COLQ: variants seen among roughly 807,000 people sequenced by gnomAD.
COLQ encodes the protein acetylcholinesterase collagenic tail peptide.
A neutral mutation model predicts 69.0 loss-of-function variants in COLQ; 48 were observed. That is an observed-to-expected ratio of 0.70 (90% CI 0.55 to 0.88). COLQ has a LOEUF of 0.88. COLQ is among the 40% of genes least tolerant of loss of function. The pLI, the probability that COLQ is intolerant of heterozygous loss-of-function variation, is 0.00. For missense variants in COLQ, 618 were observed against 594.6 expected (o/e 1.04, Z -0.41); for synonymous variants, 217 against 211.2 (o/e 1.03, Z -0.24).
chr3:15,463,544 C>G (rs541960454), intron 12 of COLQ, among the ~76,000 whole-genome samples: 20 of 152,082 alleles, frequency 1.3e-4, no homozygotes, highest in African/African-American at 4.8e-4. Context: ...GATGGGGTTT[C>G]ACTGTGTTAG....
At chr3:15,456,400 T>G in intron 14 of COLQ, 60 bp downstream of exon 14, 3 of 1,606,328 alleles carry the variant, frequency 1.9e-6, no homozygotes, top group Non-Finnish European at 2.6e-6. Flanking sequence ...TCCCTTCCTT[T>G]AATGGATGCA....
chr3:15,488,541 A>G (rs555545512), intron 2 of COLQ, among the ~76,000 whole-genome samples: 14 of 152,262 alleles, frequency 9.2e-5, no homozygotes, highest in Non-Finnish European at 4.4e-5. Flanking sequence ...CACTTTGGAT[A>G]GAGTTTGGAA....
At position 15,458,267 on chromosome 3, in the gene COLQ, A is replaced by C; in HGVS notation, c.873T>G (p.Cys291Trp). Reference sequence around the variant, plus strand: ...TCACATTCATAGTGGGTCCACAAAGACATCTTCCTGGAGGCCCGGGAAATC... The same window carrying C: ...TCACATTCATAGTGGGTCCACAAAGCCATCTTCCTGGAGGCCCGGGAAATC... ...ERGFPGPPGR[C>W]LCGPTMNVNN... is the part of the protein sequence containing the mutation. The change falls in exon 13 of 17, where the codon TGT (cysteine) becomes TGG (tryptophan). Residue 291 changes from cysteine to tryptophan, a missense_variant. Cys to Trp is a radical substitution (Grantham distance 215). Transcript: ENST00000383788. The C allele has an allele frequency of 6.2e-7, 1 of 1,614,084 alleles. No homozygotes were observed. The highest frequency in any genetic ancestry group is 8.5e-7 in the Non-Finnish European group (1 of 1,180,002).
intron 12 of COLQ, among the ~76,000 whole-genome samples, chr3:15,460,207 T>C (rs1477069884): frequency 1.3e-5 from 2 of 152,204 alleles, no homozygotes; most frequent in African/African-American, 4.8e-5. Flanking sequence ...CTAGTGCCTG[T>C]TTTCATCCAC....
chr3:15,462,071 C>T (rs919991278), intron 12 of COLQ, among the ~76,000 whole-genome samples: 4 of 152,158 alleles, frequency 2.6e-5, no homozygotes, highest in African/African-American at 7.2e-5. Flanking sequence ...CTCTGTCGCC[C>T]AGGCGGGAGT....
At chr3:15,483,603 T>C (rs562007205) in intron 3 of COLQ, among the ~76,000 whole-genome samples, 5 of 152,378 alleles carry the variant, frequency 3.3e-5, no homozygotes, top group East Asian at 3.9e-4. Context: ...TCTGTTCTTT[T>C]ACATTTGCTG....
chr3:15,479,550 T>C (rs2062440528), intron 3 of COLQ, among the ~76,000 whole-genome samples, 168 bp from the exon 4 acceptor site: 1 of 152,134 alleles, frequency 6.6e-6, no homozygotes, highest in South Asian at 2.1e-4. Context: ...CCCAGTCCCC[T>C]CCTCTGTTCC....
chr3:15,494,037 T>C (rs1346398755), intron 1 of COLQ, among the ~76,000 whole-genome samples: 4 of 152,226 alleles, frequency 2.6e-5, no homozygotes, highest in Non-Finnish European at 5.9e-5. Flanking sequence ...GAGCCGAGAT[T>C]GTGCCATTGC....
chr3:15,521,403 A>G, intron 1 of COLQ, 117 bp downstream of exon 1: 2 of 1,390,840 alleles, frequency 1.4e-6, no homozygotes, highest in Non-Finnish European at 2.0e-6. Flanking sequence ...CTTCCTTCCA[A>G]CCTCCCTCCA....
intron 10 of COLQ, among the ~76,000 whole-genome samples, chr3:15,470,824 G>A (rs2062271526): frequency 6.6e-6 from 1 of 152,178 alleles, no homozygotes; most frequent in African/African-American, 2.4e-5. Context: ...AAGGAAGAAG[G>A]TAATTCTGAG....
At chr3:15,520,253 C>T (rs2063118241) in intron 1 of COLQ, among the ~76,000 whole-genome samples, 1 of 152,248 alleles carries the variant, frequency 6.6e-6, no homozygotes, top group South Asian at 2.1e-4. Context: ...GGCACACACC[C>T]ACGGTGACAC....
intron 1 of COLQ, chr3:15,506,491 T>C (rs2062913109): frequency 6.6e-6 from 1 of 152,232 alleles, no homozygotes; most frequent in Non-Finnish European, 1.5e-5. Flanking sequence ...TGTATACTTC[T>C]GGGAATATTT....
intron 1 of COLQ, among the ~76,000 whole-genome samples, chr3:15,491,697 A>G (rs552163568): frequency 2.0e-5 from 3 of 152,368 alleles, no homozygotes; most frequent in African/African-American, 7.2e-5. Flanking sequence ...CAAATAGTAC[A>G]GCACGCTGAC....
chr3:15,489,877 A>G (rs1021645383), intron 1 of COLQ, among the ~76,000 whole-genome samples: 25 of 152,352 alleles, frequency 1.6e-4, no homozygotes, highest in African/African-American at 5.8e-4. Context: ...ACTGACCATT[A>G]TAAGGTTCAA....
At chr3:15,469,493 G>C (rs1022823941) in intron 11 of COLQ, among the ~76,000 whole-genome samples, 3 of 152,172 alleles carry the variant, frequency 2.0e-5, no homozygotes, top group African/African-American at 7.2e-5. Flanking sequence ...CATGATCAAA[G>C]TTTGAAAACT....
rs779583406 is a variant in COLQ, at chr3:15,456,497, A to G, written c.1037T>C (p.Leu346Pro). ...CCAGCCAAGGCTGTCCTTGAAGTAC[A>G]GAGATCTCTGGTCTCTGCGGAAGGC... ...AIAFRRDQRSLYFKDSLGWLP... is the reference protein window; with the variant it reads ...AIAFRRDQRSPYFKDSLGWLP... The change falls in exon 14 of 17, where the codon CTG becomes CCG. Residue 346 changes from leucine (L) to proline (P), a missense_variant. Coordinates refer to ENST00000383788, the MANE Select transcript of COLQ (RefSeq NM_005677.4). 3 of 1,614,194 alleles carry G rather than the reference A, an allele frequency of 1.9e-6. No individual in the cohort carries two copies. Among genetic ancestry groups the G allele is most frequent in the Non-Finnish European group, 2.5e-6 (3 of 1,180,024 alleles).
chr3:15,492,330 G>A (rs890594976), intron 1 of COLQ, among the ~76,000 whole-genome samples: 10 of 152,130 alleles, frequency 6.6e-5, no homozygotes, highest in Non-Finnish European at 1.5e-4. Context: ...CTCCATAATT[G>A]TAGTCTTAGA....
chr3:15,464,306 G>A lies in COLQ; in HGVS notation c.814+2035C>T, dbSNP rs142168843. Among the ~76,000 whole-genome samples the A allele has an allele frequency of 2.2e-4, 34 of 152,340 alleles. No individual in the cohort carries two copies. The East Asian group carries it at 2.7e-3, about 12-fold the overall frequency. On this transcript the variant is annotated intron_variant, in intron 12 of 16. Coordinates refer to ENST00000383788, the MANE Select transcript of COLQ (RefSeq NM_005677.4). ...GCCTTGAAAATGTTCTGATACCCAC[G>A]TATGGCATGAGAACAGCAGCCACCA...
chr3:15,516,509 A>G (rs1222964333), intron 1 of COLQ, among the ~76,000 whole-genome samples: 1 of 152,210 alleles, frequency 6.6e-6, no homozygotes. Context: ...GGACCCAAAC[A>G]TCACCTGAAG....
Sources: gnomAD v4.1 joint callset for allele counts (sites outside exome capture counted in the v4.1 genomes callset) on GRCh38, gnomAD v4.1.1 for gene constraint, MANE v1.5 for transcripts, NCBI Gene and HGNC (gene_info 2026-07-23, HGNC 2026-07-21) for gene names.